Variants in MYO1D observed in about 807,000 individuals in gnomAD.
MYO1D encodes the protein myosin ID, also known as unconventional myosin-Id.
In MYO1D, 83 loss-of-function variants were observed where a neutral mutation model predicts 122.0. The observed-to-expected ratio is 0.68, with a 90% CI of 0.57 to 0.82. The LOEUF is 0.82. Ranked by LOEUF, MYO1D falls within the 40% of genes least tolerant of loss-of-function variation. The pLI is 0.00. For missense variants in MYO1D, 1,157 were observed against 1,269.5 expected (o/e 0.91, Z 1.35); for synonymous variants, 464 against 446.9 (o/e 1.04, Z -0.48).
At chr17:32,647,046 A>G (rs2088304922) in intron 19 of MYO1D, among the ~76,000 whole-genome samples, 1 of 152,210 alleles carries the variant, frequency 6.6e-6, no homozygotes, top group South Asian at 2.1e-4. Flanking sequence ...ATCTTCAACC[A>G]AAGAAAAAAA....
intron 20 of MYO1D, among the ~76,000 whole-genome samples, chr17:32,638,195 G>A (rs937199938): frequency 5.3e-5 from 8 of 152,078 alleles, no homozygotes; most frequent in African/African-American, 1.2e-4. Flanking sequence ...ACGAAATTTC[G>A]TATTTCAAAT....
At chr17:32,645,438 G>C (rs906261788) in intron 19 of MYO1D, among the ~76,000 whole-genome samples, 14 of 152,122 alleles carry the variant, frequency 9.2e-5, no homozygotes, top group African/African-American at 2.4e-4. Flanking sequence ...TCCTGAATTT[G>C]AATGTTGGCC....
At chr17:32,707,603 C>T (rs2089324832) in intron 16 of MYO1D, among the ~76,000 whole-genome samples, 1 of 152,192 alleles carries the variant, frequency 6.6e-6, no homozygotes, top group Non-Finnish European at 1.5e-5. Flanking sequence ...CCTGAGACTA[C>T]TATGCTTACA....
chr17:32,671,279 G>T (rs561473239), intron 16 of MYO1D, among the ~76,000 whole-genome samples: 1 of 152,176 alleles, frequency 6.6e-6, no homozygotes, highest in Admixed American at 6.5e-5. Context: ...TGCTTGGAGC[G>T]GCCAGCCAGA....
chr17:32,711,645 C>CAG (rs1555645984), intron 16 of MYO1D, among the ~76,000 whole-genome samples: 1 of 150,594 alleles, frequency 6.6e-6, no homozygotes, highest in Non-Finnish European at 1.5e-5. Flanking sequence ...GACTCCGTCT[C>CAG]GGGGGGGAAA....
chr17:32,527,082 G>A (rs561901270), intron 21 of MYO1D, among the ~76,000 whole-genome samples: 9 of 152,248 alleles, frequency 5.9e-5, no homozygotes, highest in African/African-American at 1.4e-4. Flanking sequence ...AACACTTTTC[G>A]TAAGACCACA....
At chr17:32,639,940 C>T (rs188749559) in intron 19 of MYO1D, among the ~76,000 whole-genome samples, 5 of 152,178 alleles carry the variant, frequency 3.3e-5, no homozygotes, top group Admixed American at 2.6e-4. Flanking sequence ...TGGTTAGCTT[C>T]GGTAGGCTAT....
intron 17 of MYO1D, among the ~76,000 whole-genome samples, chr17:32,655,844 C>G (rs2088469269): frequency 6.6e-6 from 1 of 152,090 alleles, no homozygotes. Flanking sequence ...TGGCTATTTC[C>G]GAAACACACA....
rs529287143 is a variant in MYO1D at position 32,669,055 on chromosome 17, T to C, written c.2122-9717A>G. Among the ~76,000 whole-genome samples, 45 of 152,246 alleles carry C rather than the reference T, an allele frequency of 3.0e-4. 1 individual carries two copies. Among genetic ancestry groups the C allele is most frequent in the Admixed American group, 2.9e-3 (45 of 15,294 alleles). ...CCTTTAACAGAATTGAAAAAAACCATAACTGACTACAGATTTCTTTGTACA... is the reference window on the plus strand; with the variant it reads ...CCTTTAACAGAATTGAAAAAAACCACAACTGACTACAGATTTCTTTGTACA... On this transcript the variant is annotated intron_variant, in intron 16 of 21. Transcript: ENST00000318217.
chr17:32,512,597 G>C (rs1909734123), intron 21 of MYO1D, among the ~76,000 whole-genome samples: 1 of 152,180 alleles, frequency 6.6e-6, no homozygotes, highest in African/African-American at 2.4e-5. Flanking sequence ...GAATAAACTA[G>C]GCTCTCAGCA....
In MYO1D at chr17:32,523,790, CAAAA is replaced by C. The variant is rs34905929; in HGVS notation, c.2865-28879_2865-28876del. On this transcript the variant is annotated intron_variant, in intron 21 of 21. Transcript: ENST00000318217. Reference sequence around the variant, plus strand: ...TGGGCAACAGAAAAAGACCCTGTCTCAAAAAAAAAAAAAAAAAAAAAAGAGTGCC... The same window carrying C: ...TGGGCAACAGAAAAAGACCCTGTCTCAAAAAAAAAAAAAAAAAAGAGTGCC... Among the ~76,000 whole-genome samples the C allele has an allele frequency of 1.4e-3, 128 of 91,652 alleles. 1 individual carries two copies. The highest frequency in any genetic ancestry group is 4.7e-3 in the African/African-American group (107 of 23,000). The allele number at this position is 91,652 out of a possible 152,430, so 60.1% of individuals were successfully genotyped here.
At chr17:32,691,409 T>TAA (rs2089098300) in intron 16 of MYO1D, among the ~76,000 whole-genome samples, 1 of 146,790 alleles carries the variant, frequency 6.8e-6, no homozygotes, top group African/African-American at 2.5e-5. Context: ...AAATTCTTTT[T>TAA]TTTTTTTTTT....
rs1409460945 is a variant in MYO1D, at chr17:32,749,047, T to A, written c.1468-41A>T. The A allele has an allele frequency of 2.0e-6, 3 of 1,536,320 alleles. 1 individual carries two copies. Among genetic ancestry groups the A allele is most frequent in the South Asian group, 2.3e-5 (2 of 88,632 alleles). On this transcript the variant is annotated intron_variant, in intron 11 of 21. Transcript: ENST00000318217. ...GGATATTATTTTGAAAACAGACATT[T>A]TTGCTTTCCTAAAAATATATTCCAG...
chr17:32,549,813 G>A (rs758532474), intron 21 of MYO1D, among the ~76,000 whole-genome samples: 4 of 152,154 alleles, frequency 2.6e-5, no homozygotes, highest in Non-Finnish European at 4.4e-5. Flanking sequence ...CTATCTTATG[G>A]AAGTATTGCG....
intron 21 of MYO1D, among the ~76,000 whole-genome samples, chr17:32,524,982 C>T (rs1295096559): frequency 8.5e-5 from 13 of 152,232 alleles, no homozygotes; most frequent in Non-Finnish European, 1.5e-5. Flanking sequence ...GGATTATAGG[C>T]ATGAGCCACC....
chr17:32,725,546 A>G (rs575404453), intron 14 of MYO1D, among the ~76,000 whole-genome samples: 1 of 151,828 alleles, frequency 6.6e-6, no homozygotes, highest in Admixed American at 6.6e-5. Flanking sequence ...AAATAGGTGA[A>G]GAAAAAAAAA....
intron 21 of MYO1D, among the ~76,000 whole-genome samples, chr17:32,555,449 T>G (rs1183426177): frequency 1.5e-5 from 2 of 133,850 alleles, no homozygotes; most frequent in African/African-American, 3.0e-5. Flanking sequence ...GTGCTTCCAG[T>G]TTTTTTTAAT....
At chr17:32,588,787 T>G (rs2087413217) in intron 21 of MYO1D, among the ~76,000 whole-genome samples, 1 of 151,828 alleles carries the variant, frequency 6.6e-6, no homozygotes, top group South Asian at 2.1e-4. Flanking sequence ...CCATCTCTAC[T>G]AAAAATTAGC....
intron 20 of MYO1D, among the ~76,000 whole-genome samples, chr17:32,622,439 G>A (rs2087865462): frequency 6.6e-6 from 1 of 152,116 alleles, no homozygotes; most frequent in South Asian, 2.1e-4. Flanking sequence ...GTTCTAATGG[G>A]GGTGTGGGGG....
Sources: allele counts gnomAD v4.1 joint callset (sites outside exome capture counted in the v4.1 genomes callset), GRCh38; gene constraint gnomAD v4.1.1; transcripts MANE v1.5; gene names NCBI Gene and HGNC (gene_info 2026-07-23, HGNC 2026-07-21).